Variants in CADPS2 observed in about 807,000 individuals in gnomAD.
CADPS2 encodes the protein calcium dependent secretion activator 2.
CADPS2 carries 93 observed loss-of-function variants against 172.5 expected under a neutral mutation model. The observed-to-expected ratio is 0.54, with a 90% CI of 0.46 to 0.64. The LOEUF (loss-of-function observed/expected upper bound fraction) is 0.64. CADPS2 is among the 30% of genes least tolerant of loss of function. The probability of loss-of-function intolerance (pLI) is 0.00; values close to 1 mark genes in which losing one functional copy is unlikely to be tolerated. For synonymous variants in CADPS2, 546 were observed against 555.2 expected, an observed-to-expected ratio of 0.98 and a Z score of 0.23; for missense variants, 1,420 against 1,565.9, an observed-to-expected ratio of 0.91 and a Z score of 1.57.
chr7:122,596,913 A>G (rs1465087393), intron 6 of CADPS2, among the ~76,000 whole-genome samples: 1 of 152,078 alleles, frequency 6.6e-6, no homozygotes, highest in East Asian at 1.9e-4. Flanking sequence ...AGCTGGCTGG[A>G]AGACTGGGTG....
At chr7:122,406,437 C>A (rs1563257233) in intron 20 of CADPS2, among the ~76,000 whole-genome samples, 1 of 152,120 alleles carries the variant, frequency 6.6e-6, no homozygotes, top group Admixed American at 6.5e-5. Context: ...GAAGAAGTTC[C>A]TTGGAGAGTC....
chr7:122,619,797 C>T (rs777736798), intron 5 of CADPS2, among the ~76,000 whole-genome samples: 1 of 152,126 alleles, frequency 6.6e-6, no homozygotes, highest in Admixed American at 6.5e-5. Context: ...AGGTAACATG[C>T]TATGTAGTTT....
intron 3 of CADPS2, among the ~76,000 whole-genome samples, chr7:122,643,219 G>A (rs1009852805): frequency 3.9e-5 from 6 of 152,126 alleles, no homozygotes; most frequent in East Asian, 3.9e-4. Flanking sequence ...TTTGCAACAC[G>A]GCCTCAAAAC....
chr7:122,366,682 TAC>T (rs754338604), intron 25 of CADPS2: 2 of 121,318 alleles, frequency 1.6e-5, no homozygotes, highest in South Asian at 2.5e-4. Flanking sequence ...TATATATATA[TAC>T]GTATATATAT....
intron 12 of CADPS2, among the ~76,000 whole-genome samples, chr7:122,480,295 T>TA (rs1210899766): frequency 7.8e-6 from 1 of 128,356 alleles, no homozygotes; most frequent in Non-Finnish European, 1.7e-5. Flanking sequence ...TTAGATTTTA[T>TA]AATTTTTTTT....
At chr7:122,790,315 C>T (rs1795013637) in intron 1 of CADPS2, among the ~76,000 whole-genome samples, 1 of 150,922 alleles carries the variant, frequency 6.6e-6, no homozygotes. Context: ...AGGAGGATCC[C>T]TTGGGCCCAG....
chr7:122,422,899 C>T, intron 17 of CADPS2, among the ~76,000 whole-genome samples: 1 of 151,972 alleles, frequency 6.6e-6, no homozygotes, highest in East Asian at 1.9e-4. Context: ...GCAGAGGTTG[C>T]AGTGAGCCGA....
chr7:122,788,053 A>G (rs1217414767), intron 1 of CADPS2, among the ~76,000 whole-genome samples: 1 of 152,228 alleles, frequency 6.6e-6, no homozygotes, highest in Non-Finnish European at 1.5e-5. Flanking sequence ...CTGAGAAAGT[A>G]GAAGTTAACT....
At chr7:122,764,143 C>T (rs1466280043) in intron 1 of CADPS2, among the ~76,000 whole-genome samples, 1 of 152,130 alleles carries the variant, frequency 6.6e-6, no homozygotes, top group Non-Finnish European at 1.5e-5. Flanking sequence ...GCTGCTTCTA[C>T]ACAGCTTCTT....
In CADPS2 at chr7:122,846,057, G is replaced by A. The variant is rs117117583; in HGVS notation, c.339+39942C>T. On this transcript the variant is annotated intron_variant, in intron 1 of 29. Coordinates refer to ENST00000449022, the MANE Select transcript of CADPS2 (RefSeq NM_017954.11). ...ATGAGTTCTGGCTGTTTATCTGTAA[G>A]ATTTCACAGTTAAAATTCTAAAACA... 1.4e-3 allele frequency among the ~76,000 whole-genome samples: 212 copies of A among 152,284 alleles called. 7 individuals are homozygous for A. The East Asian group carries it at 0.03, about 22-fold the overall frequency.
At chr7:122,622,006 C>T (rs1380256214) in intron 4 of CADPS2, among the ~76,000 whole-genome samples, 2 of 152,098 alleles carry the variant, frequency 1.3e-5, no homozygotes, top group African/African-American at 2.4e-5. Flanking sequence ...AAAACAAACT[C>T]TGAAAACATG....
chr7:122,764,934 T>A (rs747806747), intron 1 of CADPS2, among the ~76,000 whole-genome samples: 2 of 152,120 alleles, frequency 1.3e-5, no homozygotes, highest in African/African-American at 2.4e-5. Flanking sequence ...GTAGCCCAGG[T>A]ATTTTACTAA....
intron 9 of CADPS2, among the ~76,000 whole-genome samples, chr7:122,508,146 G>C (rs1384568500): frequency 6.6e-6 from 1 of 151,930 alleles, no homozygotes; most frequent in African/African-American, 2.4e-5. Flanking sequence ...CACACTCAGA[G>C]CGTTTTGAAA....
At chr7:122,478,387 T>A (rs79846825) in intron 12 of CADPS2, among the ~76,000 whole-genome samples, 3,852 of 152,306 alleles carry the variant, frequency 0.025, 146 homozygotes, top group African/African-American at 0.088. Flanking sequence ...GATTAACCTA[T>A]GGACTAACTA....
chr7:122,812,251 A>T (rs1389463582), intron 1 of CADPS2, among the ~76,000 whole-genome samples: 1 of 152,156 alleles, frequency 6.6e-6, no homozygotes, highest in African/African-American at 2.4e-5. Flanking sequence ...GAAGTAAAAA[A>T]AAATAAGTAG....
At chr7:122,649,086 G>A (rs1187815135) in intron 3 of CADPS2, among the ~76,000 whole-genome samples, 1 of 151,268 alleles carries the variant, frequency 6.6e-6, no homozygotes, top group African/African-American at 2.4e-5. Flanking sequence ...CTACCACAAG[G>A]TAAATTCCAA....
chr7:122,380,341 A>G (rs2042844630), intron 24 of CADPS2, among the ~76,000 whole-genome samples: 1 of 152,122 alleles, frequency 6.6e-6, no homozygotes, highest in Non-Finnish European at 1.5e-5. Flanking sequence ...CCCTATCTTG[A>G]TGGTTCAAGG....
chr7:122,435,771 A>C (rs540360286), intron 17 of CADPS2, among the ~76,000 whole-genome samples: 9 of 152,268 alleles, frequency 5.9e-5, no homozygotes, highest in African/African-American at 2.2e-4. Context: ...GTTCATTGAG[A>C]GATGAATGGA....
chr7:122,331,710 T>C (rs2034984622), intron 28 of CADPS2, among the ~76,000 whole-genome samples: 1 of 152,166 alleles, frequency 6.6e-6, no homozygotes, highest in African/African-American at 2.4e-5. Context: ...ATGAAGTGGG[T>C]GTAATTATTC....
Sources: allele counts gnomAD v4.1 joint callset (sites outside exome capture counted in the v4.1 genomes callset), GRCh38; gene constraint gnomAD v4.1.1; transcripts MANE v1.5; gene names NCBI Gene and HGNC (gene_info 2026-07-23, HGNC 2026-07-21).